PEMT: variants seen among roughly 807,000 people sequenced by gnomAD.
PEMT encodes the protein phosphatidylethanolamine N-methyltransferase, also known as phospholipid methyltransferase.
A neutral mutation model predicts 27.4 loss-of-function variants in PEMT; 23 were observed. That is an observed-to-expected ratio of 0.84 (90% confidence interval 0.60 to 1.19). The LOEUF is 1.19. Ranked by LOEUF, PEMT falls within the 50% of genes most tolerant of loss-of-function variation. The pLI, the probability that PEMT is intolerant of heterozygous loss-of-function variation, is 0.00. For missense variants in PEMT, 307 were observed against 310.1 expected, an observed-to-expected ratio of 0.99 and a Z score of 0.07; for synonymous variants, 137 against 139.1, an observed-to-expected ratio of 0.98 and a Z score of 0.11.
At chr17:17,560,733 C>A (rs1910415096) in intron 2 of PEMT, among the ~76,000 whole-genome samples, 1 of 152,128 alleles carries the variant, frequency 6.6e-6, no homozygotes, top group African/African-American at 2.4e-5. Flanking sequence ...AGGTCCCAAC[C>A]AAGCCACCCT....
intron 1 of PEMT, chr17:17,577,604 T>C (rs1567749179): frequency 2.7e-6 from 2 of 745,954 alleles, no homozygotes; most frequent in Non-Finnish European, 1.6e-6. Context: ...CCCGCCATCA[T>C]CTTGCATGAA....
intron 2 of PEMT, among the ~76,000 whole-genome samples, chr17:17,539,111 A>T (rs1177738058): frequency 6.6e-6 from 1 of 152,122 alleles, no homozygotes; most frequent in East Asian, 1.9e-4. Flanking sequence ...AGTAAAATGT[A>T]CCCTTTTTAA....
At chr17:17,580,296 G>A (rs1248825813) in intron 1 of PEMT, among the ~76,000 whole-genome samples, 1 of 152,068 alleles carries the variant, frequency 6.6e-6, no homozygotes, top group Non-Finnish European at 1.5e-5. Flanking sequence ...GGCCAATGTG[G>A]TGAAACCCCA....
intron 2 of PEMT, among the ~76,000 whole-genome samples, chr17:17,539,305 C>T (rs539888499): frequency 6.6e-6 from 1 of 152,210 alleles, no homozygotes; most frequent in East Asian, 1.9e-4. Context: ...TTGACAAATG[C>T]ATACCACCAC....
chr17:17,589,017 A>T (rs1487807030), intron 1 of PEMT, among the ~76,000 whole-genome samples: 2 of 152,224 alleles, frequency 1.3e-5, no homozygotes, highest in African/African-American at 4.8e-5. Context: ...CTGGAGTGCA[A>T]TGGCGTGATA....
intron 2 of PEMT, among the ~76,000 whole-genome samples, chr17:17,568,660 G>A (rs1910990922): frequency 6.6e-6 from 1 of 152,218 alleles, no homozygotes; most frequent in Middle Eastern, 3.2e-3. Context: ...CACCTGGAGG[G>A]ATCCCTTGGG....
chr17:17,535,003 C>T (rs934496473), intron 2 of PEMT, among the ~76,000 whole-genome samples: 3 of 151,914 alleles, frequency 2.0e-5, no homozygotes, highest in Non-Finnish European at 4.4e-5. Flanking sequence ...CTCTGCCTCC[C>T]GGATTCAAGC....
chr17:17,524,119 G>A (rs770506940), intron 2 of PEMT, among the ~76,000 whole-genome samples: 2 of 152,122 alleles, frequency 1.3e-5, no homozygotes, highest in South Asian at 2.1e-4. Flanking sequence ...GGCTGAATAC[G>A]ACTCCAGTAT....
intron 1 of PEMT, among the ~76,000 whole-genome samples, chr17:17,587,933 TC>T (rs908548418): frequency 3.3e-5 from 5 of 150,334 alleles, no homozygotes; most frequent in African/African-American, 1.2e-4. Context: ...AGAAAGAAGA[TC>T]CCCCCAAAAA....
chr17:17,524,794 C>A (rs778207971), intron 2 of PEMT, among the ~76,000 whole-genome samples: 6 of 152,004 alleles, frequency 3.9e-5, no homozygotes, highest in Non-Finnish European at 7.4e-5. Flanking sequence ...TGGCTTTGGT[C>A]TGCATTTCCC....
chr17:17,587,424 C>T lies in PEMT; in HGVS notation c.96+4107G>A, dbSNP rs141680013. 8.9e-3 allele frequency among the ~76,000 whole-genome samples: 1,357 copies of T among 151,984 alleles called. 26 individuals carry two copies. The highest frequency in any genetic ancestry group is 0.03 in the African/African-American group (1,257 of 41,420). On this transcript the variant is annotated intron_variant, in intron 1 of 6. Coordinates refer to ENST00000255389, the MANE Select transcript of PEMT (RefSeq NM_148172.3). ...GGATTTGAATTTATGGCTTAAAAAC[C>T]TAAAAAAAGAAAGCCTTGAGCCCAG... is the stretch of plus-strand genomic sequence containing the variant.
In PEMT at chr17:17,509,517, C is replaced by T. The variant is rs772155020; in HGVS notation, c.495G>A (p.Ala165=). Residue 165 remains alanine (A), a synonymous_variant, in exon 5 of 7, where the codon GCG becomes GCA. Transcript: ENST00000255389. ...LGDYFGILKE[A]RVTVFPFNIL... ...TGTTGAAGGGGAACACGGTCACTCT[C>T]GCCTCCTTGAGGATCCCGAAGTAAT... 5.4e-5 allele frequency: 87 copies of T among 1,613,710 alleles called. No homozygotes were observed. The Admixed American group carries it at 6.0e-4, about 11-fold the overall frequency.
intron 2 of PEMT, among the ~76,000 whole-genome samples, chr17:17,539,380 C>T (rs918660381): frequency 6.6e-6 from 1 of 152,208 alleles, no homozygotes; most frequent in African/African-American, 2.4e-5. Flanking sequence ...CCTTCCCTGT[C>T]CCACCCCAGA....
At chr17:17,517,963 C>G (rs1906967557) in intron 3 of PEMT, 4 of 985,440 alleles carry the variant, frequency 4.1e-6, no homozygotes, top group Admixed American at 6.1e-5. Context: ...CCTAGCCCAG[C>G]CTGGGAATAC....
In PEMT at chr17:17,541,600, A is replaced by G. The variant is rs887654126; in HGVS notation, c.205-19205T>C. ...CACTGAACTTGAAACATCTGCCCAGACCTGGGACTGCTGCAGGGCCTAAAG... is the reference window on the plus strand; with the variant it reads ...CACTGAACTTGAAACATCTGCCCAGGCCTGGGACTGCTGCAGGGCCTAAAG... On this transcript the variant is annotated intron_variant, in intron 2 of 6. Transcript: ENST00000255389. Among the ~76,000 whole-genome samples, 3 of 152,228 alleles carry G rather than the reference A, an allele frequency of 2.0e-5. No homozygotes were observed. In the South Asian group the frequency reaches 6.2e-4, roughly 32 times the overall value.
Position 17,524,608 on chromosome 17 carries a change from A to T in PEMT, c.205-2213T>A, listed in dbSNP as rs561430363. On this transcript the variant is annotated intron_variant, in intron 2 of 6. Transcript: ENST00000255389. The stretch of plus-strand genomic sequence containing the variant: ...GTGAGACCCTGTCTCTCCAAAAAAA[A>T]AAAAAAATAATAAAAAAAATTAAGT... Among the ~76,000 whole-genome samples the T allele has an allele frequency of 9.2e-5, 14 of 152,012 alleles. No individual in the cohort carries two copies. The South Asian group carries it at 2.9e-3, about 32-fold the overall frequency.
intron 2 of PEMT, 55 bp from the exon 3 acceptor site, chr17:17,522,450 G>A: frequency 9.3e-7 from 1 of 1,077,484 alleles, no homozygotes; most frequent in Non-Finnish European, 1.4e-6. Context: ...ACTCCAGGGT[G>A]GGGGTGGGGA....
chr17:17,571,555 T>G (rs1219418873), intron 2 of PEMT, among the ~76,000 whole-genome samples: 1 of 151,968 alleles, frequency 6.6e-6, no homozygotes, highest in African/African-American at 2.4e-5. Context: ...TGGGTGCTGA[T>G]GAGCAGAAGC....
chr17:17,532,572 G>A (rs1195595867), intron 2 of PEMT, among the ~76,000 whole-genome samples: 1 of 152,220 alleles, frequency 6.6e-6, no homozygotes, highest in Non-Finnish European at 1.5e-5. Flanking sequence ...GACTGGATAA[G>A]ATGGCAATAC....
Sources: gnomAD v4.1 joint callset for allele counts (sites outside exome capture counted in the v4.1 genomes callset) on GRCh38, gnomAD v4.1.1 for gene constraint, MANE v1.5 for transcripts, NCBI Gene and HGNC (gene_info 2026-07-23, HGNC 2026-07-21) for gene names.